Variants in IL1RAPL2 observed in about 807,000 individuals in gnomAD.
The protein encoded by IL1RAPL2 is X-linked interleukin-1 receptor accessory protein-like 2.
Under a neutral mutation model 44.1 loss-of-function variants are expected in IL1RAPL2, and 3 were observed. The observed-to-expected ratio is 0.07, with a 90% CI of 0.03 to 0.18. The LOEUF (loss-of-function observed/expected upper bound fraction) is 0.18, where lower values mean the gene tolerates loss of function less well. Ranked by LOEUF, IL1RAPL2 falls within the 10% of genes least tolerant of loss-of-function variation. The pLI is 1.00. For missense variants in IL1RAPL2, 391 were observed against 496.4 expected, an observed-to-expected ratio of 0.79 and a Z score of 2.02; for synonymous variants, 181 against 178.8, an observed-to-expected ratio of 1.01 and a Z score of -0.10.
intron 5 of IL1RAPL2, among the ~76,000 whole-genome samples, chrX:105,399,471 C>T (rs1012781967): frequency 9.9e-5 from 11 of 110,944 alleles, no homozygotes; most frequent in Non-Finnish European, 3.8e-5. Flanking sequence ...TATCATAGAA[C>T]TGATCACCCT....
chrX:104,854,090 A>G (rs1300664434), intron 2 of IL1RAPL2, among the ~76,000 whole-genome samples: 2 of 111,275 alleles, frequency 1.8e-5, no homozygotes, highest in African/African-American at 6.5e-5. Context: ...CAAAACAAAG[A>G]AGTTGTTGGA....
intron 5 of IL1RAPL2, among the ~76,000 whole-genome samples, chrX:105,358,636 C>G (rs1342674525): frequency 9.7e-6 from 1 of 102,639 alleles, no homozygotes. Flanking sequence ...GTTCACACCA[C>G]TGCACTCCAG....
chrX:105,265,482 G>A (rs1347550449), intron 4 of IL1RAPL2, among the ~76,000 whole-genome samples: 1 of 111,493 alleles, frequency 9.0e-6, no homozygotes, highest in Non-Finnish European at 1.9e-5. Context: ...TCTCAGATAG[G>A]TGATAAACCT....
intron 3 of IL1RAPL2, chrX:105,219,923 A>G: frequency 8.7e-7 from 1 of 1,148,842 alleles, no homozygotes; most frequent in Non-Finnish European, 1.2e-6. Flanking sequence ...GGCAGGGACC[A>G]GTTGAGGGAT....
chrX:105,183,973 C>T (rs2075738245), intron 2 of IL1RAPL2, among the ~76,000 whole-genome samples: 1 of 111,381 alleles, frequency 9.0e-6, no homozygotes, highest in South Asian at 3.8e-4. Context: ...AGCAAGCTGT[C>T]ACATGGTCTC....
chrX:105,233,908 A>G lies in IL1RAPL2; in HGVS notation c.447A>G (p.Leu149=). The G allele has an allele frequency of 1.7e-6, 2 of 1,210,684 alleles. No individual in the cohort carries two copies. Residue 149 remains leucine, a synonymous_variant, in exon 4 of 11, where the codon TTA becomes TTG. Transcript: ENST00000372582. ...GCTACAACAGCAGGATCCGCTATTT[A>G]GAAAAATCTGAAGTCACTAAAAGAA... The part of the protein sequence containing the change: ...GLCYNSRIRY[L]EKSEVTKRKE...
At chrX:104,777,440 C>T (rs1017570504) in intron 2 of IL1RAPL2, among the ~76,000 whole-genome samples, 38 of 109,763 alleles carry the variant, frequency 3.5e-4, no homozygotes, top group African/African-American at 1.2e-3. Flanking sequence ...TTCATTCATT[C>T]ATCTGTGGAT....
intron 2 of IL1RAPL2, among the ~76,000 whole-genome samples, chrX:104,950,950 G>A (rs916206857): frequency 1.8e-5 from 2 of 111,501 alleles, no homozygotes; most frequent in East Asian, 2.9e-4. Flanking sequence ...TCCAGGTGCC[G>A]TCTGTCACCC....
At chrX:104,962,024 G>A (rs1228670860) in intron 2 of IL1RAPL2, among the ~76,000 whole-genome samples, 1 of 112,039 alleles carries the variant, frequency 8.9e-6, no homozygotes, top group Non-Finnish European at 1.9e-5. Context: ...CTGTCACTGT[G>A]GCCTTCACAG....
rs1301114173 is a variant in IL1RAPL2 at position 105,670,146 on chromosome X, T to TATATATATATATATATATA, written c.773-47219_773-47218insATATATATATATATATAAT. Among the ~76,000 whole-genome samples the TATATATATATATATATATA allele has an allele frequency of 6.8e-3, 313 of 46,310 alleles. 53 individuals are homozygous for TATATATATATATATATATA. Among genetic ancestry groups the TATATATATATATATATATA allele is most frequent in the Non-Finnish European group, 1.0e-2 (222 of 22,280 alleles). The allele number at this position is 46,310 out of a possible 115,157, so 40.2% of individuals were successfully genotyped here. On this transcript the variant is annotated intron_variant, in intron 6 of 10. Transcript: ENST00000372582. ...ATATATATATATATATATATATATA[T>TATATATATATATATATATA]ATCTCCACCAGACCACACAGTCTTG... is the stretch of plus-strand genomic sequence containing the variant.
intron 1 of IL1RAPL2, chrX:104,647,897 C>G: frequency 1.5e-6 from 1 of 645,999 alleles, no homozygotes; most frequent in Non-Finnish European, 2.5e-6. Flanking sequence ...GATGACAGCT[C>G]TGTGACCAGC....
intron 2 of IL1RAPL2, among the ~76,000 whole-genome samples, chrX:104,915,097 T>G (rs1408111979): frequency 4.5e-4 from 50 of 111,814 alleles, no homozygotes; most frequent in South Asian, 2.3e-3. Flanking sequence ...GGGATGGCTG[T>G]GTCAAATGGT....
chrX:104,906,383 T>C (rs368439782), intron 2 of IL1RAPL2, among the ~76,000 whole-genome samples: 2 of 110,583 alleles, frequency 1.8e-5, no homozygotes, highest in Non-Finnish European at 3.8e-5. Flanking sequence ...GTCTTGTGCC[T>C]GTTTTCAAAG....
chrX:105,106,744 C>T (rs1447316267), intron 2 of IL1RAPL2, among the ~76,000 whole-genome samples: 1 of 111,676 alleles, frequency 9.0e-6, no homozygotes, highest in Admixed American at 9.5e-5. Context: ...TCTGTAAGTA[C>T]TAAATGGGAT....
chrX:105,243,606 T>TA (rs1491359314), intron 4 of IL1RAPL2, among the ~76,000 whole-genome samples: 46 of 90,205 alleles, frequency 5.1e-4, no homozygotes, highest in South Asian at 3.5e-3. Context: ...TATATATATA[T>TA]TTTTTTTTTA....
At chrX:105,140,872 T>C (rs1422220548) in intron 2 of IL1RAPL2, among the ~76,000 whole-genome samples, 2 of 110,938 alleles carry the variant, frequency 1.8e-5, no homozygotes, top group African/African-American at 6.6e-5. Context: ...GTGCCAGTGG[T>C]GGGGAGGAGC....
At chrX:105,422,728 C>T (rs2074518355) in intron 5 of IL1RAPL2, among the ~76,000 whole-genome samples, 1 of 111,409 alleles carries the variant, frequency 9.0e-6, no homozygotes, top group South Asian at 3.8e-4. Flanking sequence ...AGATTACTTC[C>T]GTCTTCTACT....
intron 5 of IL1RAPL2, among the ~76,000 whole-genome samples, chrX:105,362,235 A>G (rs1374167575): frequency 1.8e-5 from 2 of 111,598 alleles, no homozygotes; most frequent in Non-Finnish European, 1.9e-5. Context: ...TCATTTGCCA[A>G]TCTTCACTGT....
intron 2 of IL1RAPL2, among the ~76,000 whole-genome samples, chrX:104,933,582 A>G (rs1924958725): frequency 9.0e-6 from 1 of 111,592 alleles, no homozygotes; most frequent in Non-Finnish European, 1.9e-5. Context: ...CAGAAACATA[A>G]TGCTATAAGT....
Sources: allele counts gnomAD v4.1 joint callset (sites outside exome capture counted in the v4.1 genomes callset), GRCh38; gene constraint gnomAD v4.1.1; transcripts MANE v1.5; gene names NCBI Gene and HGNC (gene_info 2026-07-23, HGNC 2026-07-21).